The following KCNB2 variants were observed in gnomAD, a reference collection of about 807,000 sequenced individuals.
KCNB2 encodes the protein potassium voltage-gated channel subfamily B member 2.
Under a neutral mutation model 61.5 loss-of-function variants are expected in KCNB2, and 15 were observed. The ratio of observed to expected loss-of-function variants is 0.24; its 90% CI spans 0.16 to 0.38. The LOEUF (loss-of-function observed/expected upper bound fraction) is 0.38. Ranked by LOEUF, KCNB2 falls within the 10% of genes least tolerant of loss-of-function variation. KCNB2 has a pLI of 1.00. For missense variants in KCNB2, 828 were observed against 1,125.2 expected (o/e 0.74, Z 3.78); for synonymous variants, 457 against 446.0 (o/e 1.02, Z -0.31).
At chr8:72,868,053 T>TG (rs1225613752) in intron 2 of KCNB2, among the ~76,000 whole-genome samples, 19 of 120,736 alleles carry the variant, frequency 1.6e-4, no homozygotes, top group African/African-American at 2.4e-4. Flanking sequence ...AGGTTGATTT[T>TG]GGGTTTTTTT....
intron 2 of KCNB2, among the ~76,000 whole-genome samples, chr8:72,633,964 G>A (rs1176059156): frequency 6.8e-6 from 1 of 146,020 alleles, no homozygotes; most frequent in African/African-American, 2.4e-5. Flanking sequence ...AAAGGCAAGA[G>A]CCAAGGAGTC....
intron 2 of KCNB2, among the ~76,000 whole-genome samples, chr8:72,809,578 G>A (rs536693824): frequency 6.6e-6 from 1 of 152,234 alleles, no homozygotes; most frequent in South Asian, 2.1e-4. Context: ...AACTTTATTA[G>A]AGAAATACAT....
intron 2 of KCNB2, among the ~76,000 whole-genome samples, chr8:72,773,343 G>C (rs890987432): frequency 6.6e-6 from 1 of 152,126 alleles, no homozygotes; most frequent in Non-Finnish European, 1.5e-5. Flanking sequence ...TTTTTTTAAG[G>C]TGGAAGAAAG....
At chr8:72,737,031 ATT>A (rs200736806) in intron 2 of KCNB2, among the ~76,000 whole-genome samples, 4 of 143,446 alleles carry the variant, frequency 2.8e-5, no homozygotes, top group Non-Finnish European at 3.1e-5. Context: ...TGTAGTTGCT[ATT>A]TTTTTTTTTT....
intron 2 of KCNB2, among the ~76,000 whole-genome samples, chr8:72,657,125 A>G (rs1806304046): frequency 6.6e-6 from 1 of 152,178 alleles, no homozygotes; most frequent in Non-Finnish European, 1.5e-5. Context: ...AACATATGGT[A>G]GGCACAGTGC....
At chr8:72,706,068 G>A (rs1348900844) in intron 2 of KCNB2, among the ~76,000 whole-genome samples, 1 of 152,166 alleles carries the variant, frequency 6.6e-6, no homozygotes, top group African/African-American at 2.4e-5. Flanking sequence ...AGGGAAAGAT[G>A]GCAAACAGCG....
intron 2 of KCNB2, among the ~76,000 whole-genome samples, chr8:72,759,890 C>G (rs1808348943): frequency 6.6e-6 from 1 of 152,088 alleles, no homozygotes; most frequent in Non-Finnish European, 1.5e-5. Flanking sequence ...AGATCAGAGT[C>G]AAGGTCGGGA....
At chr8:72,615,371 C>G (rs1805602424) in intron 2 of KCNB2, among the ~76,000 whole-genome samples, 1 of 152,168 alleles carries the variant, frequency 6.6e-6, no homozygotes, top group Non-Finnish European at 1.5e-5. Context: ...GAGGGGCATA[C>G]GAGGCACAAG....
chr8:72,737,304 G>C (rs1423680344), intron 2 of KCNB2, among the ~76,000 whole-genome samples: 1 of 152,052 alleles, frequency 6.6e-6, no homozygotes, highest in Non-Finnish European at 1.5e-5. Flanking sequence ...GATCATATCT[G>C]GATTTTACCA....
intron 2 of KCNB2, among the ~76,000 whole-genome samples, chr8:72,727,503 G>A (rs1807672972): frequency 6.6e-6 from 1 of 152,146 alleles, no homozygotes; most frequent in African/African-American, 2.4e-5. Flanking sequence ...ACATTCAAAA[G>A]CCAAGTAGAG....
At chr8:72,581,900 A>T (rs1358801254) in intron 2 of KCNB2, among the ~76,000 whole-genome samples, 2 of 152,192 alleles carry the variant, frequency 1.3e-5, no homozygotes, top group Admixed American at 1.3e-4. Context: ...CTCTTGTCAT[A>T]GGTAAAGTGT....
chr8:72,920,467 A>ATATATATATATATG (rs1333914273), intron 2 of KCNB2, among the ~76,000 whole-genome samples: 1 of 88,668 alleles, frequency 1.1e-5, no homozygotes. Context: ...CTATCTATCT[A>ATATATATATATATG]TCTATCTATA....
At chr8:72,809,653 G>C (rs908507646) in intron 2 of KCNB2, among the ~76,000 whole-genome samples, 6 of 152,082 alleles carry the variant, frequency 3.9e-5, no homozygotes, top group South Asian at 2.1e-4. Flanking sequence ...TCTCTGGCAA[G>C]GGTAATCAGT....
intron 2 of KCNB2, among the ~76,000 whole-genome samples, chr8:72,734,819 G>A (rs974330896): frequency 2.0e-5 from 3 of 152,172 alleles, no homozygotes; most frequent in African/African-American, 7.2e-5. Context: ...TTCAGATAAA[G>A]GTCAGCCATT....
chr8:72,795,559 A>T (rs1311154388), intron 2 of KCNB2, among the ~76,000 whole-genome samples: 1 of 152,224 alleles, frequency 6.6e-6, no homozygotes, highest in African/African-American at 2.4e-5. Flanking sequence ...AGATGTTTCA[A>T]TGACACAGGA....
At chr8:72,811,155 CTT>C (rs34236600) in intron 2 of KCNB2, among the ~76,000 whole-genome samples, 28 of 140,096 alleles carry the variant, frequency 2.0e-4, no homozygotes, top group Non-Finnish European at 2.0e-4. Context: ...GAAGGGATTT[CTT>C]TTTTTTTTTT....
rs1806128222 is a variant in KCNB2, at chr8:72,537,440, GGCGCGGCTCGCTTTCTGGCTCCTTCC to G, written c.-531_-506del. Reference sequence around the variant, plus strand: ...CCCAGCGAGCGGCAACTCCCGGGCTGGCGCGGCTCGCTTTCTGGCTCCTTCCGCGCGGCGAGCTCAGCCCCGCTCGA... The same window carrying G: ...CCCAGCGAGCGGCAACTCCCGGGCTGGCGCGGCGAGCTCAGCCCCGCTCGA... On this transcript the variant is annotated 5_prime_UTR_variant, in exon 1 of 3. Coordinates refer to ENST00000523207, the MANE Select transcript of KCNB2 (RefSeq NM_004770.3). The G allele has an allele frequency of 6.5e-6, 1 of 152,742 alleles. No individual in the cohort carries two copies. Among genetic ancestry groups the G allele is most frequent in the Admixed American group, 6.5e-5 (1 of 15,270 alleles). 9.5% of individuals were successfully genotyped at this position (152,742 alleles called of 1,614,324 possible).
chr8:72,575,247 A>ACCCCCG (rs1806776993), intron 2 of KCNB2, among the ~76,000 whole-genome samples: 1 of 74,752 alleles, frequency 1.3e-5, no homozygotes, highest in South Asian at 5.7e-4. Flanking sequence ...CTTCTCCCCC[A>ACCCCCG]CCCCCGCCCC....
chr8:72,656,445 C>T (rs1376570099), intron 2 of KCNB2, among the ~76,000 whole-genome samples: 4 of 152,094 alleles, frequency 2.6e-5, no homozygotes, highest in Middle Eastern at 3.4e-3. Context: ...TGTCAACATT[C>T]GAGTCGTAAA....
Sources: gnomAD v4.1 joint callset for allele counts (sites outside exome capture counted in the v4.1 genomes callset) on GRCh38, gnomAD v4.1.1 for gene constraint, MANE v1.5 for transcripts, NCBI Gene and HGNC (gene_info 2026-07-23, HGNC 2026-07-21) for gene names.